The following GRIK4 variants were observed in gnomAD, a reference collection of about 807,000 sequenced individuals.
GRIK4 encodes glutamate receptor ionotropic, kainate 4.
In GRIK4, 40 loss-of-function variants were observed where a neutral mutation model predicts 104.9. That is an observed-to-expected ratio of 0.38 (90% CI 0.30 to 0.50). The LOEUF is 0.50. Ranked by LOEUF, GRIK4 falls within the 20% of genes least tolerant of loss-of-function variation. GRIK4 has a pLI of 0.93. For synonymous variants in GRIK4, 485 were observed against 524.9 expected, an observed-to-expected ratio of 0.92 and a Z score of 1.04; for missense variants, 1,047 against 1,308.1, an observed-to-expected ratio of 0.80 and a Z score of 3.08.
At chr11:120,848,404 T>C (rs1421562024) in intron 8 of GRIK4, among the ~76,000 whole-genome samples, 1 of 152,182 alleles carries the variant, frequency 6.6e-6, no homozygotes, top group African/African-American at 2.4e-5. Context: ...CAGGGGGCAT[T>C]TGAATCAAGC....
chr11:120,566,222 G>A (rs1948320821), intron 1 of GRIK4, among the ~76,000 whole-genome samples: 1 of 152,216 alleles, frequency 6.6e-6, no homozygotes, highest in Admixed American at 6.5e-5. Flanking sequence ...TCTATGAGCT[G>A]TAAGGGATTT....
At position 120,816,470 on chromosome 11, in the gene GRIK4, T is replaced by C. The variant is rs560928143; in HGVS notation, c.345+995T>C. ...GCTTCTGCCCTAGAGGCCTGGAGGCTCAGCCTTCCAGAAGCTCTAGTCTCA... is the reference window on the plus strand; with the variant it reads ...GCTTCTGCCCTAGAGGCCTGGAGGCCCAGCCTTCCAGAAGCTCTAGTCTCA... On this transcript the variant is annotated intron_variant, in intron 5 of 20. Transcript: ENST00000527524. Among the ~76,000 whole-genome samples, 284 of 152,224 alleles carry C rather than the reference T, an allele frequency of 1.9e-3. 2 individuals carry two copies. Among genetic ancestry groups the C allele is most frequent in the Non-Finnish European group, 4.0e-4 (27 of 68,006 alleles).
chr11:120,742,367 G>C (rs1199931993), intron 3 of GRIK4, among the ~76,000 whole-genome samples: 5 of 150,596 alleles, frequency 3.3e-5, no homozygotes, highest in Admixed American at 6.6e-5. Context: ...AAAAAAAGTG[G>C]GCAAAGGACA....
intron 1 of GRIK4, among the ~76,000 whole-genome samples, chr11:120,618,710 C>T (rs774099380): frequency 7.9e-5 from 12 of 152,210 alleles, no homozygotes; most frequent in Non-Finnish European, 1.8e-4. Flanking sequence ...CCAGGTACAG[C>T]GTGGGCCACA....
intron 1 of GRIK4, chr11:120,576,681 C>T (rs1418653301): frequency 3.3e-5 from 5 of 152,376 alleles, no homozygotes; most frequent in Admixed American, 2.6e-4. Context: ...CATGGGCAGC[C>T]ACCCTAGACA....
In GRIK4 at chr11:120,905,038, G is replaced by C. The variant is rs76652021; in HGVS notation, c.1273-252G>C. 0.015 allele frequency among the ~76,000 whole-genome samples: 2,297 copies of C among 152,318 alleles called. 50 individuals carry two copies. The highest frequency in any genetic ancestry group is 0.053 in the African/African-American group (2,192 of 41,556). On this transcript the variant is annotated intron_variant, in intron 12 of 20. Coordinates refer to ENST00000527524, the MANE Select transcript of GRIK4 (RefSeq NM_014619.5). This position sits in a 1 kb window ranked among gnomAD's most constrained non-coding sequence, Gnocchi z 5.1. ...TGATGACCTTAAACAAGTTGAAGCA[G>C]CTTGAGCCTGACCCTCCATGCAGTG...
At chr11:120,868,298 A>G (rs1954481245) in intron 9 of GRIK4, 1 of 152,198 alleles carries the variant, frequency 6.6e-6, no homozygotes, top group African/African-American at 2.4e-5. Flanking sequence ...AAATGAAAAT[A>G]TAAAAACAAG....
At chr11:120,618,308 G>A (rs970414161) in intron 1 of GRIK4, among the ~76,000 whole-genome samples, 4 of 152,154 alleles carry the variant, frequency 2.6e-5, no homozygotes, top group African/African-American at 7.2e-5. Context: ...GATGTTACCT[G>A]ACTGCTTCTA....
At chr11:120,841,749 G>C (rs1003981728) in intron 8 of GRIK4, among the ~76,000 whole-genome samples, 1 of 152,014 alleles carries the variant, frequency 6.6e-6, no homozygotes, top group Admixed American at 6.6e-5. Context: ...CAAAGGTCCC[G>C]GTTTCTCTGC....
At chr11:120,886,570 G>A (rs1249838286) in intron 11 of GRIK4, among the ~76,000 whole-genome samples, 1 of 152,178 alleles carries the variant, frequency 6.6e-6, no homozygotes, top group Non-Finnish European at 1.5e-5. Context: ...CATGACCAGA[G>A]GCTCACAGGA....
chr11:120,854,679 TTA>T (rs1954059086), intron 8 of GRIK4, among the ~76,000 whole-genome samples: 1 of 152,200 alleles, frequency 6.6e-6, no homozygotes, highest in Admixed American at 6.5e-5. Context: ...AGCTATTCTA[TTA>T]TTACTTCTAA....
chr11:120,875,087 C>A, intron 10 of GRIK4, 52 bp from the exon 11 acceptor site: 1 of 1,139,576 alleles, frequency 8.8e-7, no homozygotes, highest in Non-Finnish European at 1.3e-6. Flanking sequence ...TGCTTGGGGG[C>A]AAGTGTAACC....
At chr11:120,981,499 G>A (rs1944651936) in intron 19 of GRIK4, among the ~76,000 whole-genome samples, 1 of 152,166 alleles carries the variant, frequency 6.6e-6, no homozygotes, top group South Asian at 2.1e-4. Context: ...AGTAGGTCTG[G>A]GGTAAGGACT....
At chr11:120,910,506 T>A (rs1026645014) in intron 13 of GRIK4, among the ~76,000 whole-genome samples, 8 of 152,178 alleles carry the variant, frequency 5.3e-5, no homozygotes, top group African/African-American at 9.7e-5. Context: ...CCTGGTCAGC[T>A]CCTTTGCAGC....
At chr11:120,665,268 T>C (rs1949893843) in intron 3 of GRIK4, among the ~76,000 whole-genome samples, 1 of 152,136 alleles carries the variant, frequency 6.6e-6, no homozygotes, top group Non-Finnish European at 1.5e-5. Context: ...AGCAGTGGGC[T>C]CCTCTGATCA....
At chr11:120,971,315 C>T (rs1013395086) in intron 19 of GRIK4, among the ~76,000 whole-genome samples, 2 of 152,168 alleles carry the variant, frequency 1.3e-5, no homozygotes, top group African/African-American at 4.8e-5. Context: ...TCCCAATGCC[C>T]AGAACATCAC....
chr11:120,875,239 G>A lies in GRIK4; in HGVS notation c.1160G>A (p.Arg387Gln), dbSNP rs556909844. The change falls in exon 11 of 21, where the codon CGG becomes CAG. Residue 387 changes from arginine (R) to glutamine (Q), a missense_variant. Coordinates refer to ENST00000527524, the MANE Select transcript of GRIK4 (RefSeq NM_014619.5). Reference sequence around the variant, plus strand: ...TTACAGTTCACAAGGAATGGTTTTCGGCAGGTAAGCCTAGCTGCACCGTGG... The same window carrying A: ...TTACAGTTCACAAGGAATGGTTTTCAGCAGGTAAGCCTAGCTGCACCGTGG... ...KILQFTRNGF[R>Q]QIGQWHVAEG... is the part of the protein sequence containing the mutation. 11 of 1,601,572 alleles carry A rather than the reference G, an allele frequency of 6.9e-6. No individual in the cohort carries two copies. The highest frequency in any genetic ancestry group is 3.3e-5 in the Admixed American group (2 of 59,996).
chr11:120,568,732 C>T (rs1431928802), intron 1 of GRIK4, among the ~76,000 whole-genome samples: 3 of 152,156 alleles, frequency 2.0e-5, no homozygotes, highest in African/African-American at 7.2e-5. Flanking sequence ...TTAAGTCTCA[C>T]CTCTCCTCTT....
intron 13 of GRIK4, chr11:120,936,054 C>T (rs912956651): frequency 9.1e-6 from 1 of 109,574 alleles, no homozygotes; most frequent in African/African-American, 7.9e-5. Flanking sequence ...TGGTCTTCAT[C>T]TTCTTCATCT....
Sources: gnomAD v4.1 joint callset for allele counts (sites outside exome capture counted in the v4.1 genomes callset) on GRCh38, gnomAD v4.1.1 for gene constraint, Gnocchi (gnomAD v3.1) non-coding constraint, MANE v1.5 for transcripts, NCBI Gene and HGNC (gene_info 2026-07-23, HGNC 2026-07-21) for gene names.